Variants in ACAP2 observed in about 807,000 individuals in gnomAD.
ACAP2 encodes the protein ArfGAP with coiled-coil, ankyrin repeat and PH domains 2.
A neutral mutation model predicts 115.8 loss-of-function variants in ACAP2; 39 were observed. The ratio of observed to expected loss-of-function variants is 0.34; its 90% CI spans 0.26 to 0.44. The LOEUF is 0.44. Ranked by LOEUF, ACAP2 falls within the 20% of genes least tolerant of loss-of-function variation. ACAP2 has a pLI of 1.00. For synonymous variants in ACAP2, 289 were observed against 315.8 expected, an observed-to-expected ratio of 0.92 and a Z score of 0.90; for missense variants, 662 against 927.6, an observed-to-expected ratio of 0.71 and a Z score of 3.72.
intron 1 of ACAP2, among the ~76,000 whole-genome samples, chr3:195,411,312 G>A (rs999381936): frequency 3.3e-5 from 5 of 152,140 alleles, no homozygotes; most frequent in Non-Finnish European, 4.4e-5. Flanking sequence ...ACTGAGTACC[G>A]AAGAAATATT....
chr3:195,302,216 ATTG>A, intron 13 of ACAP2, 42 bp from the exon 14 acceptor site: 7 of 1,522,736 alleles, frequency 4.6e-6, no homozygotes, highest in Non-Finnish European at 5.4e-6. Context: ...AAAAAAAAAG[ATTG>A]AAATACTTTG....
intron 10 of ACAP2, among the ~76,000 whole-genome samples, chr3:195,314,079 C>G (rs1031056897): frequency 6.6e-6 from 1 of 152,004 alleles, no homozygotes; most frequent in East Asian, 1.9e-4. Flanking sequence ...CACTTAAATT[C>G]CAGATTTTGG....
At chr3:195,285,959 T>A in intron 21 of ACAP2, 102 bp from the exon 22 acceptor site, 1 of 832,904 alleles carries the variant, frequency 1.2e-6, no homozygotes, top group Non-Finnish European at 1.8e-6. Context: ...AATTGTGTTT[T>A]ATTTGCCATT....
intron 4 of ACAP2, among the ~76,000 whole-genome samples, chr3:195,380,373 C>A (rs1001568357): frequency 6.6e-6 from 1 of 151,950 alleles, no homozygotes; most frequent in Admixed American, 6.6e-5. Context: ...AATTTTAAAG[C>A]ACTGATTAAA....
chr3:195,330,129 C>T (rs1226699908), intron 8 of ACAP2, among the ~76,000 whole-genome samples: 2 of 152,102 alleles, frequency 1.3e-5, no homozygotes, highest in East Asian at 3.9e-4. Context: ...TCTTGAGCTC[C>T]GCATATATCC....
Position 195,434,215 on chromosome 3 carries a change from C to T in ACAP2, c.53+8580G>A, listed in dbSNP as rs77627297. ...AAGTGCTGGGATTACAGGAATGAAC[C>T]GCCATGTTTGGCCTGGTTTTGTTTT... On this transcript the variant is annotated intron_variant, in intron 1 of 22. Coordinates refer to ENST00000326793, the MANE Select transcript of ACAP2 (RefSeq NM_012287.6). 1.7e-3 allele frequency among the ~76,000 whole-genome samples: 257 copies of T among 151,744 alleles called. 5 individuals are homozygous for T. The East Asian group carries it at 0.021, about 12-fold the overall frequency.
chr3:195,285,989 T>C (rs995120556), intron 21 of ACAP2, 132 bp from the exon 22 acceptor site: 3 of 647,800 alleles, frequency 4.6e-6, no homozygotes, highest in Non-Finnish European at 5.1e-6. Flanking sequence ...TGGCTTTTAG[T>C]TTATCAAACC....
chr3:195,436,070 C>A (rs1411403422), intron 1 of ACAP2, among the ~76,000 whole-genome samples: 3 of 151,048 alleles, frequency 2.0e-5, no homozygotes, highest in Non-Finnish European at 4.4e-5. Flanking sequence ...TATGGATTGA[C>A]CCTTTTATTT....
intron 7 of ACAP2, among the ~76,000 whole-genome samples, chr3:195,334,601 G>GA (rs1730383430): frequency 6.6e-6 from 1 of 152,036 alleles, no homozygotes; most frequent in Non-Finnish European, 1.5e-5. Context: ...AAAAAACACG[G>GA]AAAAATGTTC....
chr3:195,403,718 T>C (rs1267977511), intron 1 of ACAP2, among the ~76,000 whole-genome samples: 1 of 152,106 alleles, frequency 6.6e-6, no homozygotes, highest in African/African-American at 2.4e-5. Flanking sequence ...TCAACGGAGA[T>C]GGGCAAGACT....
intron 1 of ACAP2, among the ~76,000 whole-genome samples, chr3:195,425,043 A>AAAAAAAG (rs1714574403): frequency 6.7e-6 from 1 of 149,344 alleles, no homozygotes; most frequent in Non-Finnish European, 1.5e-5. Context: ...AAAAAAAAAA[A>AAAAAAAG]AAAAAAAAAA....
intron 1 of ACAP2, among the ~76,000 whole-genome samples, chr3:195,424,300 T>A (rs868076746): frequency 0.13 from 13,088 of 99,312 alleles, 1,378 homozygotes; most frequent in East Asian, 0.58. Flanking sequence ...TTTTTTTTTT[T>A]TTTTTTTTTT....
intron 1 of ACAP2, among the ~76,000 whole-genome samples, chr3:195,430,652 T>G (rs936337186): frequency 2.7e-4 from 41 of 152,030 alleles, no homozygotes; most frequent in Admixed American, 7.9e-4. Context: ...GAGGCAGAGG[T>G]TGCAGTGAGC....
chr3:195,441,290 C>A (rs946947962), intron 1 of ACAP2, among the ~76,000 whole-genome samples: 1 of 152,144 alleles, frequency 6.6e-6, no homozygotes, highest in Non-Finnish European at 1.5e-5. Context: ...AAAATTACTC[C>A]ACTTGCCATG....
rs77482372 is a variant in ACAP2, at chr3:195,398,004, G to A, written c.54-5857C>T. On this transcript the variant is annotated intron_variant, in intron 1 of 22. Coordinates refer to ENST00000326793, the MANE Select transcript of ACAP2 (RefSeq NM_012287.6). ...CCTTTAAGAGAAAACACTTCTAGGCGTGCAAAAGGCTTACTGGAAGAGAGA... is the reference window on the plus strand; with the variant it reads ...CCTTTAAGAGAAAACACTTCTAGGCATGCAAAAGGCTTACTGGAAGAGAGA... 2.1e-3 allele frequency among the ~76,000 whole-genome samples: 320 copies of A among 152,244 alleles called. 2 individuals are homozygous for A. In the Middle Eastern group the frequency reaches 0.031, roughly 15 times the overall value.
chr3:195,402,854 C>G (rs1267712472), intron 1 of ACAP2, among the ~76,000 whole-genome samples: 1 of 147,654 alleles, frequency 6.8e-6, no homozygotes, highest in African/African-American at 2.7e-5. Context: ...AAAAATTTCC[C>G]TTTTCTTTAA....
At chr3:195,325,784 C>G (rs1729754794) in intron 9 of ACAP2, among the ~76,000 whole-genome samples, 1 of 152,114 alleles carries the variant, frequency 6.6e-6, no homozygotes, top group Admixed American at 6.5e-5. Context: ...CATTAAAACT[C>G]ATTACCCATG....
At chr3:195,306,866 A>C in intron 12 of ACAP2, 1 of 304,178 alleles carries the variant, frequency 3.3e-6, no homozygotes, top group Admixed American at 4.9e-5. Context: ...AAAAAAAAAA[A>C]CCACTTAAAT....
chr3:195,331,597 G>GC (rs1424400838), intron 8 of ACAP2, among the ~76,000 whole-genome samples: 6 of 151,920 alleles, frequency 3.9e-5, no homozygotes, highest in Non-Finnish European at 8.8e-5. Context: ...ACAGGCATGA[G>GC]CCACCATGCC....
Sources: allele counts gnomAD v4.1 joint callset (sites outside exome capture counted in the v4.1 genomes callset), GRCh38; gene constraint gnomAD v4.1.1; transcripts MANE v1.5; gene names NCBI Gene and HGNC (gene_info 2026-07-23, HGNC 2026-07-21).